The following ST6GALNAC1 variants were observed in gnomAD, a reference collection of about 807,000 sequenced individuals.
ST6GALNAC1 encodes the protein alpha-N-acetylgalactosaminide alpha-2,6-sialyltransferase 1.
In ST6GALNAC1, 45 loss-of-function variants were observed where a neutral mutation model predicts 56.8. That is an observed-to-expected ratio of 0.79 (90% confidence interval 0.62 to 1.02). The LOEUF is 1.02. Ranked by LOEUF, ST6GALNAC1 falls within the 50% of genes least tolerant of loss-of-function variation. The pLI, the probability that ST6GALNAC1 is intolerant of heterozygous loss-of-function variation, is 0.00. For missense variants in ST6GALNAC1, 743 were observed against 754.8 expected (o/e 0.98, Z 0.18); for synonymous variants, 295 against 297.8 (o/e 0.99, Z 0.10).
At chr17:76,636,230 T>A (rs188832295) in intron 1 of ST6GALNAC1, among the ~76,000 whole-genome samples, 315 of 152,280 alleles carry the variant, frequency 2.1e-3, no homozygotes, top group Non-Finnish European at 3.1e-3. Flanking sequence ...ATGTTATTTG[T>A]TTCCCTCTCC....
intron 1 of ST6GALNAC1, among the ~76,000 whole-genome samples, chr17:76,638,790 A>C (rs908165598): frequency 2.6e-5 from 4 of 152,198 alleles, no homozygotes; most frequent in African/African-American, 9.7e-5. Flanking sequence ...CATGTTAGTC[A>C]GGCTGGTCTC....
At chr17:76,641,096 G>A (rs910796359) in intron 1 of ST6GALNAC1, among the ~76,000 whole-genome samples, 2 of 152,150 alleles carry the variant, frequency 1.3e-5, no homozygotes, top group African/African-American at 2.4e-5. Context: ...AACTCAAGTC[G>A]TAAAACATAT....
intron 1 of ST6GALNAC1, chr17:76,641,941 GTATATATACGTATATATGAGATA>G (rs2076052862): frequency 6.6e-6 from 1 of 150,452 alleles, no homozygotes; most frequent in Non-Finnish European, 1.5e-5. Flanking sequence ...ACATATATAT[GTATATATACGTATATATGAGATA>G]TATATATAAG....
At chr17:76,630,191 A>G (rs551107812) in intron 1 of ST6GALNAC1, among the ~76,000 whole-genome samples, 2 of 152,236 alleles carry the variant, frequency 1.3e-5, no homozygotes, top group Non-Finnish European at 2.9e-5. Context: ...TATTCTGTGC[A>G]GTGTGCTGTG....
At chr17:76,637,547 G>C (rs2075994036) in intron 1 of ST6GALNAC1, 2 of 395,238 alleles carry the variant, frequency 5.1e-6, no homozygotes, top group Admixed American at 4.4e-5. Context: ...TAAGCTTTTG[G>C]TACTGGCTTT....
At chr17:76,642,949 C>T (rs912413638) in intron 1 of ST6GALNAC1, among the ~76,000 whole-genome samples, 1 of 151,240 alleles carries the variant, frequency 6.6e-6, no homozygotes, top group African/African-American at 2.4e-5. Context: ...AAAAGAGGGC[C>T]TCTCACTGCT....
intron 1 of ST6GALNAC1, among the ~76,000 whole-genome samples, chr17:76,639,477 G>A (rs992301587): frequency 2.0e-5 from 3 of 152,132 alleles, no homozygotes; most frequent in African/African-American, 7.2e-5. Flanking sequence ...TCTGGAGGCT[G>A]AGGCAGGCTA....
the ST6GALNAC1 span, among the ~76,000 whole-genome samples, chr17:76,617,728 G>A: frequency 4.0e-5 from 6 of 150,438 alleles, no homozygotes; most frequent in African/African-American, 9.8e-5. Flanking sequence ...CTGCGATCAC[G>A]CCACTGCACT....
chr17:76,634,362 C>T (rs756058747), intron 1 of ST6GALNAC1, among the ~76,000 whole-genome samples: 7 of 152,080 alleles, frequency 4.6e-5, no homozygotes, highest in South Asian at 2.1e-4. Context: ...ACTAACACTT[C>T]GCTCTGCCCT....
At chr17:76,641,970 A>G (rs1655366049) in intron 1 of ST6GALNAC1, 1 of 150,758 alleles carries the variant, frequency 6.6e-6, no homozygotes, top group Admixed American at 6.6e-5. Flanking sequence ...AGATATATAT[A>G]TAAGCTCTCT....
intron 1 of ST6GALNAC1, among the ~76,000 whole-genome samples, chr17:76,643,305 G>T (rs1463911412): frequency 6.6e-6 from 1 of 152,148 alleles, no homozygotes; most frequent in African/African-American, 2.4e-5. Context: ...CATGCGTCTT[G>T]GTTGCCCACT....
intron 1 of ST6GALNAC1, among the ~76,000 whole-genome samples, chr17:76,631,681 C>T (rs777766723): frequency 6.6e-6 from 1 of 152,142 alleles, no homozygotes; most frequent in Non-Finnish European, 1.5e-5. Context: ...CCCCATAACA[C>T]CTGTACTGGG....
downstream of ST6GALNAC1, among the ~76,000 whole-genome samples, chr17:76,623,791 A>G (rs1567949886): frequency 6.6e-6 from 1 of 152,176 alleles, no homozygotes; most frequent in East Asian, 1.9e-4. Flanking sequence ...ACCCATCAGT[A>G]TATTCTACTT....
chr17:76,627,227 C>G lies in ST6GALNAC1; in HGVS notation c.1012G>C (p.Val338Leu), dbSNP rs764347924. 23 of 1,566,012 alleles carry G rather than the reference C, an allele frequency of 1.5e-5. No individual in the cohort carries two copies. The South Asian group carries it at 2.7e-4, about 18-fold the overall frequency. Residue 338 changes from valine (V) to leucine (L), a missense_variant, in exon 4 of 9, where the codon GTC becomes CTC. Coordinates refer to ENST00000156626, the MANE Select transcript of ST6GALNAC1 (RefSeq NM_018414.5). This position sits in a 1 kb window ranked among gnomAD's most constrained non-coding sequence, Gnocchi z 4.4. ...GGCACTGGAGGGAAGCGTGTCACGA[C>G]CTTCTGCACCACTGGAACAAGAGTG... ...MELNYSLVQKVVTRFPPVPQQ... is the reference protein window; with the variant it reads ...MELNYSLVQKLVTRFPPVPQQ...
downstream of ST6GALNAC1, among the ~76,000 whole-genome samples, chr17:76,623,839 GT>G (rs2075763335): frequency 6.6e-6 from 1 of 152,248 alleles, no homozygotes; most frequent in African/African-American, 2.4e-5. Flanking sequence ...CAGTCGTTAA[GT>G]TTAGGTAGCC....
In ST6GALNAC1 at chr17:76,627,990, G is replaced by A. The variant is rs548861217; in HGVS notation, c.832-407C>T. On this transcript the variant is annotated intron_variant, in intron 2 of 8. Transcript: ENST00000156626. This position sits in a 1 kb window ranked among gnomAD's most constrained non-coding sequence, Gnocchi z 4.4. ...CGGGCGCCTGTAGTTCCAGCTACTC[G>A]GGAGGCTGAGGCAGGAGAATGGCGT... Among the ~76,000 whole-genome samples, 180 of 151,802 alleles carry A rather than the reference G, an allele frequency of 1.2e-3. No individual in the cohort carries two copies. The highest frequency in any genetic ancestry group is 2.0e-3 in the Non-Finnish European group (137 of 67,918).
chr17:76,641,820 T>G (rs768601756), intron 1 of ST6GALNAC1: 40 of 152,156 alleles, frequency 2.6e-4, no homozygotes, highest in Admixed American at 4.6e-4. Context: ...TGTGGAATGC[T>G]AAGCAACTGT....
At chr17:76,617,858 G>A in the ST6GALNAC1 span, among the ~76,000 whole-genome samples, 4 of 152,168 alleles carry the variant, frequency 2.6e-5, no homozygotes, top group African/African-American at 7.2e-5. Flanking sequence ...TTGACTCAAG[G>A]TCCTGTCTGT....
At chr17:76,638,663 C>A (rs1347994712) in intron 1 of ST6GALNAC1, among the ~76,000 whole-genome samples, 1 of 152,156 alleles carries the variant, frequency 6.6e-6, no homozygotes, top group Non-Finnish European at 1.5e-5. Flanking sequence ...TCACAGCAAG[C>A]TCTGCCTCCC....
Sources: allele counts gnomAD v4.1 joint callset (sites outside exome capture counted in the v4.1 genomes callset), GRCh38; gene constraint gnomAD v4.1.1; non-coding constraint Gnocchi (gnomAD v3.1); transcripts MANE v1.5; gene names NCBI Gene and HGNC (gene_info 2026-07-23, HGNC 2026-07-21).